Variants in SPAG1 observed in about 807,000 individuals in gnomAD.
SPAG1 encodes the protein sperm-associated antigen 1.
In SPAG1, 69 loss-of-function variants were observed where a neutral mutation model predicts 100.5. The ratio of observed to expected loss-of-function variants is 0.69; its 90% confidence interval spans 0.57 to 0.84. The LOEUF (loss-of-function observed/expected upper bound fraction) is 0.84. Among genes scored for constraint, SPAG1 ranks in the 40% least tolerant of loss-of-function variants. SPAG1 has a pLI of 0.00. For synonymous variants in SPAG1, 336 were observed against 411.6 expected, an observed-to-expected ratio of 0.82 and a Z score of 2.22; for missense variants, 955 against 1,133.1, an observed-to-expected ratio of 0.84 and a Z score of 2.26.
At chr8:100,180,133 G>A (rs1586419758) in intron 4 of SPAG1, among the ~76,000 whole-genome samples, 2 of 152,234 alleles carry the variant, frequency 1.3e-5, no homozygotes, top group Middle Eastern at 3.4e-3. Flanking sequence ...GGAGTTCGAG[G>A]CCTGGGCAAC....
intron 10 of SPAG1, among the ~76,000 whole-genome samples, chr8:100,212,800 C>G (rs1417056976): frequency 6.6e-6 from 1 of 152,210 alleles, no homozygotes; most frequent in Non-Finnish European, 1.5e-5. Context: ...TCTGAGATGC[C>G]GGTTTTCAGC....
intron 13 of SPAG1, among the ~76,000 whole-genome samples, chr8:100,222,705 A>G (rs189865215): frequency 1.6e-4 from 25 of 152,302 alleles, no homozygotes; most frequent in Admixed American, 1.2e-3. Context: ...GAAGGGAGAA[A>G]TGGGTCTGAG....
chr8:100,220,162 C>A, intron 12 of SPAG1, 117 bp from the exon 13 acceptor site: 1 of 797,592 alleles, frequency 1.3e-6, no homozygotes, highest in Non-Finnish European at 1.9e-6. Flanking sequence ...GTTCCCAAGA[C>A]GAAGTCTCGG....
intron 10 of SPAG1, among the ~76,000 whole-genome samples, chr8:100,209,303 C>CATAT (rs367809874): frequency 8.2e-4 from 120 of 145,832 alleles, no homozygotes; most frequent in Middle Eastern, 7.2e-3. Context: ...CCTTTATATA[C>CATAT]ATATATATAT....
In SPAG1 at chr8:100,240,967, A is replaced by G; in HGVS notation, c.2726A>G (p.Asn909Ser). The G allele has an allele frequency of 6.2e-7, 1 of 1,613,624 alleles. No homozygotes were observed. Among genetic ancestry groups the G allele is most frequent in the African/African-American group, 1.3e-5 (1 of 74,988 alleles). The stretch of plus-strand genomic sequence containing the variant: ...TTTGAGGACCTTTCGGACACACCAA[A>G]CAACCATTTTACTTTAGAAGATATA... ...QLFEDLSDTP[N>S]NHFTLEDIQA... Residue 909 changes from asparagine (N) to serine (S), a missense_variant, in exon 19 of 19, where the codon AAC (asparagine) becomes AGC (serine). Physicochemically the swap from Asn to Ser is conservative, Grantham distance 46. Coordinates refer to ENST00000388798, the MANE Select transcript of SPAG1 (RefSeq NM_003114.5).
chr8:100,198,253 A>G (rs1223138269), intron 10 of SPAG1, among the ~76,000 whole-genome samples: 1 of 150,024 alleles, frequency 6.7e-6, no homozygotes, highest in Non-Finnish European at 1.5e-5. Flanking sequence ...AGTGGAAGTC[A>G]GGGATTTCCA....
At chr8:100,172,020 G>A (rs1471899633) in intron 3 of SPAG1, among the ~76,000 whole-genome samples, 8 of 151,730 alleles carry the variant, frequency 5.3e-5, no homozygotes, top group East Asian at 1.9e-4. Context: ...TCAGCCTCCC[G>A]AGAAGCTGGG....
At position 100,231,152 on chromosome 8, in the gene SPAG1, A is replaced by G. The variant is rs1586548317; in HGVS notation, c.1856-4A>G. 1.3e-6 allele frequency: 2 copies of G among 1,596,192 alleles called. No homozygotes were observed. Among genetic ancestry groups the G allele is most frequent in the Non-Finnish European group, 1.7e-6 (2 of 1,172,580 alleles). ...TTCCTCTTCTTTGTTTTTTTGTCCC[A>G]TAGATGAAAAAACATTTAAAGCCCT... is the stretch of plus-strand genomic sequence containing the variant. On this transcript the variant is annotated splice_region_variant and splice_polypyrimidine_tract_variant and intron_variant, in intron 14 of 18. Transcript: ENST00000388798.
At chr8:100,202,607 G>T (rs1439088876) in intron 10 of SPAG1, among the ~76,000 whole-genome samples, 1 of 149,914 alleles carries the variant, frequency 6.7e-6, no homozygotes, top group South Asian at 2.1e-4. Flanking sequence ...CTACTCGGGA[G>T]GCTGAGGCAG....
chr8:100,189,873 A>G (rs1217018528), intron 8 of SPAG1, among the ~76,000 whole-genome samples: 1 of 152,240 alleles, frequency 6.6e-6, no homozygotes, highest in East Asian at 1.9e-4. Context: ...TTATATTTAA[A>G]GTGCAGTGCT....
chr8:100,176,179 T>C (rs1044820223), intron 3 of SPAG1, among the ~76,000 whole-genome samples: 12 of 152,202 alleles, frequency 7.9e-5, no homozygotes, highest in African/African-American at 2.9e-4. Flanking sequence ...GAGAAGGTGC[T>C]TTTCCTGTTC....
At chr8:100,212,097 A>G (rs1355144792) in intron 10 of SPAG1, among the ~76,000 whole-genome samples, 1 of 152,240 alleles carries the variant, frequency 6.6e-6, no homozygotes, top group Non-Finnish European at 1.5e-5. Context: ...CTGGTGATCC[A>G]AATTGGATGT....
At chr8:100,165,086 A>C (rs957825743) in intron 2 of SPAG1, 7 of 335,726 alleles carry the variant, frequency 2.1e-5, no homozygotes, top group Non-Finnish European at 4.0e-5. Context: ...GACAACAAAC[A>C]GGGACAGATG....
At chr8:100,240,068 A>G (rs1819187527) in intron 17 of SPAG1, among the ~76,000 whole-genome samples, 1 of 152,188 alleles carries the variant, frequency 6.6e-6, no homozygotes, top group Admixed American at 6.5e-5. Flanking sequence ...CTGTTTTAGG[A>G]GAATCGAGCA....
At chr8:100,240,815 G>T in intron 18 of SPAG1, 44 bp downstream of exon 18, 1 of 1,565,620 alleles carries the variant, frequency 6.4e-7, no homozygotes, top group Non-Finnish European at 8.6e-7. Flanking sequence ...GTTTTATTAG[G>T]GTTTCTGTAA....
rs1305662566 is a variant in SPAG1, at chr8:100,177,707, T to G, written c.301-109T>G. The G allele has an allele frequency of 9.4e-6, 5 of 530,450 alleles. No individual in the cohort carries two copies. In the East Asian group the frequency reaches 1.7e-4, roughly 18 times the overall value. The allele number at this position is 530,450 out of a possible 1,614,324, so 32.9% of individuals were successfully genotyped here. A position where few individuals can be genotyped will look rare whatever the true frequency, so the allele number is the denominator to read the frequency against. On this transcript the variant is annotated intron_variant, in intron 3 of 18. Coordinates refer to ENST00000388798, the MANE Select transcript of SPAG1 (RefSeq NM_003114.5). ...TTACTGAAAAAAATCCACATATAAG[T>G]GGACCAATGCAGTTCAAACTTATAT...
At chr8:100,188,853 G>C (rs1816694278) in intron 8 of SPAG1, among the ~76,000 whole-genome samples, 1 of 152,152 alleles carries the variant, frequency 6.6e-6, no homozygotes, top group African/African-American at 2.4e-5. Flanking sequence ...CATTGCCATG[G>C]ATTGCCCTCC....
chr8:100,166,118 G>A (rs1194480539), intron 3 of SPAG1, 145 bp downstream of exon 3: 2 of 635,994 alleles, frequency 3.1e-6, no homozygotes, highest in Non-Finnish European at 5.3e-6. Flanking sequence ...TTTACACCCA[G>A]GGGAACATTG....
Position 100,231,135 on chromosome 8 carries a change from CTTT to C in SPAG1, c.1856-20_1856-18del, listed in dbSNP as rs767254045. 3.8e-6 allele frequency: 6 copies of C among 1,588,680 alleles called. No individual in the cohort carries two copies. Among genetic ancestry groups the C allele is most frequent in the Non-Finnish European group, 1.7e-6 (2 of 1,169,408 alleles). Reference sequence around the variant, plus strand: ...GGTGCTTGTACAGATACTTCCTCTTCTTTGTTTTTTTGTCCCATAGATGAAAAA... The same window carrying C: ...GGTGCTTGTACAGATACTTCCTCTTCGTTTTTTTGTCCCATAGATGAAAAA... On this transcript the variant is annotated intron_variant, in intron 14 of 18. Transcript: ENST00000388798.
Sources: allele counts gnomAD v4.1 joint callset (sites outside exome capture counted in the v4.1 genomes callset), GRCh38; gene constraint gnomAD v4.1.1; transcripts MANE v1.5; gene names NCBI Gene and HGNC (gene_info 2026-07-23, HGNC 2026-07-21).